CCL5: variants seen among roughly 807,000 people sequenced by gnomAD.
CCL5 encodes C-C motif chemokine ligand 5.
CCL5 carries 5 observed loss-of-function variants against 9.0 expected under a neutral mutation model. That is an observed-to-expected ratio of 0.55 (90% confidence interval 0.29 to 1.16). The LOEUF is 1.16. Among genes scored for constraint, CCL5 ranks in the 50% most tolerant of loss-of-function variants. The pLI is 0.08. For missense variants in CCL5, 183 were observed against 183.2 expected (o/e 1.00, Z 0.01); for synonymous variants, 66 against 72.0 (o/e 0.92, Z 0.42).
chr17:35,876,654 A>G (rs1273341113), intron 2 of CCL5, among the ~76,000 whole-genome samples: 1 of 152,188 alleles, frequency 6.6e-6, no homozygotes, highest in Admixed American at 6.5e-5. Context: ...AGTAGCCGCT[A>G]AACTGGACTC....
chr17:35,879,193 T>C (rs1161479735), intron 1 of CCL5, among the ~76,000 whole-genome samples: 1 of 152,178 alleles, frequency 6.6e-6, no homozygotes, highest in Non-Finnish European at 1.5e-5. Flanking sequence ...TAGTTTTTAT[T>C]TTCCCAGCAA....
intron 1 of CCL5, among the ~76,000 whole-genome samples, chr17:35,878,905 C>T (rs2088478146): frequency 6.6e-6 from 1 of 152,164 alleles, no homozygotes; most frequent in South Asian, 2.1e-4. Flanking sequence ...CTCCTCCTGG[C>T]TTGTCCTGGG....
chr17:35,874,269 A>G (rs560904170), intron 3 of CCL5, among the ~76,000 whole-genome samples: 7 of 152,290 alleles, frequency 4.6e-5, no homozygotes, highest in African/African-American at 1.4e-4. Flanking sequence ...AAAATCAACT[A>G]TTTATTGTGC....
intron 1 of CCL5, 41 bp from the exon 2 acceptor site, chr17:35,878,680 G>A (rs754760648): frequency 8.8e-7 from 1 of 1,142,510 alleles, no homozygotes; most frequent in Non-Finnish European, 1.3e-6. Flanking sequence ...TTTATTCATT[G>A]CTACTGCACA....
intron 3 of CCL5, among the ~76,000 whole-genome samples, chr17:35,875,358 T>A (rs2088429035): frequency 6.6e-6 from 1 of 152,206 alleles, no homozygotes; most frequent in Non-Finnish European, 1.5e-5. Context: ...AGTGAAGCCT[T>A]AGATTGTCTG....
At position 35,880,347 on chromosome 17, in the gene CCL5, T is replaced by A; in HGVS notation, c.-42A>T. 3.3e-6 allele frequency: 5 copies of A among 1,529,066 alleles called. No individual in the cohort carries two copies. Among genetic ancestry groups the A allele is most frequent in the Non-Finnish European group, 4.5e-6 (5 of 1,114,246 alleles). 94.7% of individuals were successfully genotyped at this position (1,529,066 alleles called of 1,614,324 possible). On this transcript the variant is annotated 5_prime_UTR_variant, in exon 1 of 4. Coordinates refer to ENST00000651122, the MANE Select transcript of CCL5 (RefSeq NM_001278736.2). ...GCTGTGCGAGGTCCACGTGCTGTCT[T>A]GATCCTCTGCAGGAATCCTCTGCAG...
intron 3 of CCL5, among the ~76,000 whole-genome samples, chr17:35,874,024 C>T (rs1197253114): frequency 6.6e-6 from 1 of 152,162 alleles, no homozygotes; most frequent in Non-Finnish European, 1.5e-5. Context: ...AGCTGCCTGC[C>T]TCACCTGTCT....
chr17:35,873,398 A>G (rs1282523702), intron 3 of CCL5, among the ~76,000 whole-genome samples: 1 of 150,652 alleles, frequency 6.6e-6, no homozygotes, highest in Non-Finnish European at 1.5e-5. Flanking sequence ...TGTGTTAGCC[A>G]GGATGGTCTC....
In CCL5 at chr17:35,877,820, C is replaced by A. The variant is rs1314615485; in HGVS notation, c.188+708G>T. ...TTGACTACAGTTATAGATCCCTGAC[C>A]TCTGACCTCTTCTCCCTAGTTCCTC... On this transcript the variant is annotated intron_variant, in intron 2 of 3. Transcript: ENST00000651122. Among the ~76,000 whole-genome samples the A allele has an allele frequency of 2.0e-5, 3 of 152,072 alleles. No homozygotes were observed. In the East Asian group the frequency reaches 5.8e-4, roughly 29 times the overall value.
chr17:35,879,072 G>T (rs1332472532), intron 1 of CCL5, among the ~76,000 whole-genome samples: 1 of 152,274 alleles, frequency 6.6e-6, no homozygotes, highest in East Asian at 1.9e-4. Flanking sequence ...TTGTATCTTG[G>T]GAGCTCTGGT....
chr17:35,874,610 A>G (rs1419614514), intron 3 of CCL5, among the ~76,000 whole-genome samples: 8 of 151,888 alleles, frequency 5.3e-5, no homozygotes, highest in Non-Finnish European at 1.0e-4. Context: ...CCAGAAGTTT[A>G]TTTTATTTTT....
rs1388504556 is a variant in CCL5 at position 35,875,615 on chromosome 17, C to CT, written c.215dup (p.Gln74ThrfsTer10). ...GGAAATCCTGCCAGACTTGCTGTCC[C>CT]TCTCTCTTTGGCATCCTTGACCTGT... is the stretch of plus-strand genomic sequence containing the variant. On this transcript the variant is annotated frameshift_variant, in exon 3 of 4. Transcript: ENST00000651122. LOFTEE classifies it high-confidence loss of function. 1.0e-6 allele frequency: 1 copy of CT among 985,428 alleles called. No homozygotes were observed. The highest frequency in any genetic ancestry group is 1.2e-6 in the Non-Finnish European group (1 of 829,946). The allele number at this position is 985,428 out of a possible 1,614,324, so 61.0% of individuals were successfully genotyped here.
intron 1 of CCL5, 67 bp downstream of exon 1, chr17:35,880,163 G>T: frequency 7.9e-7 from 1 of 1,258,148 alleles, no homozygotes; most frequent in Non-Finnish European, 1.2e-6. Flanking sequence ...GACAGTCATT[G>T]GGATGGGGTA....
intron 3 of CCL5, among the ~76,000 whole-genome samples, chr17:35,873,062 G>C (rs1331473470): frequency 2.6e-5 from 4 of 151,622 alleles, no homozygotes; most frequent in Admixed American, 2.0e-4. Flanking sequence ...GCTAATTTTT[G>C]TATTTTTAGT....
In CCL5 at chr17:35,872,578, G is replaced by C. The variant is rs1051990001; in HGVS notation, c.271-114C>G. The C allele has an allele frequency of 2.2e-5, 18 of 816,734 alleles. No homozygotes were observed. The Middle Eastern group carries it at 8.9e-4, about 41-fold the overall frequency. The allele number at this position is 816,734 out of a possible 1,614,324, so 50.6% of individuals were successfully genotyped here. ...GGAAATTATGATGATATCGGGGTAGGGCATATTTGGAGCTCCATAAGATTT... is the reference window on the plus strand; with the variant it reads ...GGAAATTATGATGATATCGGGGTAGCGCATATTTGGAGCTCCATAAGATTT... On this transcript the variant is annotated intron_variant, in intron 3 of 3. Transcript: ENST00000651122.
intron 2 of CCL5, among the ~76,000 whole-genome samples, chr17:35,876,708 C>T (rs2088445346): frequency 6.6e-6 from 1 of 152,220 alleles, no homozygotes. Context: ...TTACACTTGA[C>T]AGCTGCATTT....
chr17:35,873,034 C>T (rs2088393506), intron 3 of CCL5, among the ~76,000 whole-genome samples: 2 of 151,788 alleles, frequency 1.3e-5, no homozygotes, highest in Non-Finnish European at 2.9e-5. Flanking sequence ...AGACTACTGG[C>T]GCCCGCCACC....
At chr17:35,877,751 A>G (rs2088459081) in intron 2 of CCL5, among the ~76,000 whole-genome samples, 1 of 152,106 alleles carries the variant, frequency 6.6e-6, no homozygotes, top group African/African-American at 2.4e-5. Flanking sequence ...GGTGAATCTC[A>G]TTTCCTTATT....
chr17:35,879,145 C>T (rs976711389), intron 1 of CCL5, among the ~76,000 whole-genome samples: 3 of 152,152 alleles, frequency 2.0e-5, no homozygotes, highest in African/African-American at 2.4e-5. Flanking sequence ...TTCAAGATGA[C>T]GTTGGGAAGC....
Sources: gnomAD v4.1 joint callset for allele counts (sites outside exome capture counted in the v4.1 genomes callset) on GRCh38, gnomAD v4.1.1 for gene constraint, MANE v1.5 for transcripts, NCBI Gene and HGNC (gene_info 2026-07-23, HGNC 2026-07-21) for gene names.